Variants in SPTA1 observed in about 807,000 individuals in gnomAD.
The protein encoded by SPTA1 is spectrin alpha chain, erythrocytic 1.
Under a neutral mutation model 324.7 loss-of-function variants are expected in SPTA1, and 177 were observed. The ratio of observed to expected loss-of-function variants is 0.55; its 90% CI spans 0.48 to 0.62. The LOEUF is 0.62. Among genes scored for constraint, SPTA1 ranks in the 20% least tolerant of loss-of-function variants. The pLI is 0.00. For synonymous variants in SPTA1, 1,195 were observed against 1,041.3 expected, an observed-to-expected ratio of 1.15 and a Z score of -2.84; for missense variants, 3,162 against 2,883.6, an observed-to-expected ratio of 1.10 and a Z score of -2.21.
chr1:158,642,244 G>T (rs1335545150), intron 33 of SPTA1, among the ~76,000 whole-genome samples, 167 bp downstream of exon 33: 2 of 151,622 alleles, frequency 1.3e-5, no homozygotes, highest in Non-Finnish European at 1.5e-5. Flanking sequence ...CACCAACATG[G>T]CACATGTATA....
intron 25 of SPTA1, 85 bp from the exon 26 acceptor site, chr1:158,648,738 C>T (rs2101849379): frequency 6.8e-7 from 1 of 1,461,418 alleles, no homozygotes; most frequent in Non-Finnish European, 9.4e-7. Context: ...GTTATCATCA[C>T]TACCACTCAC....
At chr1:158,661,220 G>GTACA in intron 18 of SPTA1, 67 bp downstream of exon 18, 3 of 1,611,154 alleles carry the variant, frequency 1.9e-6, no homozygotes, top group Non-Finnish European at 2.5e-6. Flanking sequence ...CCCTAGGATA[G>GTACA]TACAAACTTC....
intron 27 of SPTA1, among the ~76,000 whole-genome samples, chr1:158,646,084 T>G (rs918666950): frequency 1.3e-5 from 2 of 152,182 alleles, no homozygotes; most frequent in African/African-American, 4.8e-5. Context: ...ACTTTTATTC[T>G]CAAGTGAATC....
Position 158,653,509 on chromosome 1 carries a change from C to T in SPTA1, c.3037-84G>A, listed in dbSNP as rs114298752. The T allele has an allele frequency of 2.7e-4, 428 of 1,581,976 alleles. No individual in the cohort carries two copies. The African/African-American group carries it at 5.4e-3, about 20-fold the overall frequency. ...GAGACTTCAACACTAAGTCTCTTGG[C>T]CCAGGCACAGGTTAATGGCAAAGAT... is the stretch of plus-strand genomic sequence containing the variant. On this transcript the variant is annotated intron_variant, in intron 21 of 51. Coordinates refer to ENST00000643759, the MANE Select transcript of SPTA1 (RefSeq NM_003126.4).
chr1:158,677,837 G>A lies in SPTA1; in HGVS notation c.813-3C>T. 2.5e-6 allele frequency: 4 copies of A among 1,613,464 alleles called. No homozygotes were observed. The highest frequency in any genetic ancestry group is 3.4e-6 in the Non-Finnish European group (4 of 1,179,648). Reference sequence around the variant, plus strand: ...ACTGGATGGCTTCAGTCACATCCCTGCAGTCATTAACAAGAGCTCCAACCA... The same window carrying A: ...ACTGGATGGCTTCAGTCACATCCCTACAGTCATTAACAAGAGCTCCAACCA... On this transcript the variant is annotated splice_region_variant and splice_polypyrimidine_tract_variant and intron_variant, in intron 6 of 51. Transcript: ENST00000643759.
intron 9 of SPTA1, 28 bp downstream of exon 9, chr1:158,674,512 C>T: frequency 6.2e-7 from 1 of 1,614,100 alleles, no homozygotes; most frequent in Non-Finnish European, 8.5e-7. Flanking sequence ...CTGCCCCCTC[C>T]TCCTACTGGG....
At chr1:158,682,813 A>G (rs368856108) in intron 3 of SPTA1, among the ~76,000 whole-genome samples, 6 of 152,296 alleles carry the variant, frequency 3.9e-5, no homozygotes, top group African/African-American at 1.4e-4. Flanking sequence ...TGAAATAGTG[A>G]TGATCTTCAT....
At position 158,649,947 on chromosome 1, in the gene SPTA1, C is replaced by T; in HGVS notation, c.3478G>A (p.Glu1160Lys). 1 of 1,611,210 alleles carries T rather than the reference C, an allele frequency of 6.2e-7. No homozygotes were observed. Among genetic ancestry groups the T allele is most frequent in the Non-Finnish European group, 8.5e-7 (1 of 1,178,206 alleles). Residue 1160 changes from glutamate (E) to lysine (K), a missense_variant and splice_region_variant, in exon 25 of 52, where the codon GAA (glutamate) becomes AAA (lysine). Coordinates refer to ENST00000643759, the MANE Select transcript of SPTA1 (RefSeq NM_003126.4). ...LTPEGAQIRQ[E>K]LNSRWGSLQR... is the part of the protein sequence containing the mutation. ...AAAGAACCCCAGCGGGAATTCAATT[C>T]CTAAAAGAGGCAAAAACATCAGACT...
At chr1:158,659,595 A>ATTATTTTTTTTTTTTTTTTTTT (rs1345384278) in intron 18 of SPTA1, among the ~76,000 whole-genome samples, 6 of 68,778 alleles carry the variant, frequency 8.7e-5, no homozygotes, top group Admixed American at 4.0e-4. Flanking sequence ...TCTTAGCATT[A>ATTATTTTTTTTTTTTTTTTTTT]TTTTTTTTTT....
At position 158,681,748 on chromosome 1, in the gene SPTA1, C is replaced by G. The variant is rs113760428; in HGVS notation, c.391-81G>C. 20 of 1,586,656 alleles carry G rather than the reference C, an allele frequency of 1.3e-5. No individual in the cohort carries two copies. In the African/African-American group the frequency reaches 1.7e-4, roughly 14 times the overall value. The stretch of plus-strand genomic sequence containing the variant: ...CTCAGAGACTTGTGCAGAAAGAGAC[C>G]TGGATAAAAATTCTTCTCTCAGTTA... On this transcript the variant is annotated intron_variant, in intron 3 of 51. Coordinates refer to ENST00000643759, the MANE Select transcript of SPTA1 (RefSeq NM_003126.4).
intron 7 of SPTA1, among the ~76,000 whole-genome samples, chr1:158,677,002 T>C (rs569080734): frequency 6.6e-6 from 1 of 152,138 alleles, no homozygotes; most frequent in Non-Finnish European, 1.5e-5. Flanking sequence ...TGGTGGAAGT[T>C]TGCAGAAACT....
chr1:158,649,883 C>T lies in SPTA1; in HGVS notation c.3542G>A (p.Ser1181Asn). ...LADEQRQLLG[S>N]AHAVEVFHRE... The stretch of plus-strand genomic sequence containing the variant: ...GTGAAACACTTCAACAGCATGGGCA[C>T]TGCCCAGCAGCTGCCGCTGTTCATC... Residue 1181 changes from serine (S) to asparagine (N), a missense_variant, in exon 25 of 52, where the codon AGT becomes AAT. Ser to Asn is a conservative substitution (Grantham distance 46). Coordinates refer to ENST00000643759, the MANE Select transcript of SPTA1 (RefSeq NM_003126.4). 6.2e-7 allele frequency: 1 copy of T among 1,613,830 alleles called. No individual in the cohort carries two copies.
At chr1:158,678,346 A>G (rs529380503) in intron 6 of SPTA1, 55 bp downstream of exon 6, 1 of 1,609,582 alleles carries the variant, frequency 6.2e-7, no homozygotes, top group East Asian at 2.2e-5. Flanking sequence ...ATACAAAGAC[A>G]CGGTTTTTAT....
Position 158,653,271 on chromosome 1 carries a change from T to C in SPTA1, c.3188+3A>G, listed in dbSNP as rs1202765241. 6.2e-7 allele frequency: 1 copy of C among 1,614,134 alleles called. No homozygotes were observed. The highest frequency in any genetic ancestry group is 2.2e-5 in the East Asian group (1 of 44,878). On this transcript the variant is annotated splice_donor_region_variant and intron_variant, in intron 22 of 51. Transcript: ENST00000643759. ...GTTCAGTTCTCCAGGCTCCAGAACT[T>C]ACTGGTTCTCAATCTGCTCCTGGCG...
At chr1:158,650,130 G>C (rs1425692014) in intron 24 of SPTA1, among the ~76,000 whole-genome samples, 183 bp from the exon 25 acceptor site, 1 of 152,232 alleles carries the variant, frequency 6.6e-6, no homozygotes, top group African/African-American at 2.4e-5. Flanking sequence ...GTGCAGCAGA[G>C]AAAGTGATTT....
At chr1:158,623,259 C>T in intron 42 of SPTA1, 67 bp from the exon 43 acceptor site, 1 of 1,343,146 alleles carries the variant, frequency 7.4e-7, no homozygotes, top group Non-Finnish European at 1.1e-6. Context: ...ATCTGGGTTC[C>T]ACCAGATTTT....
chr1:158,638,094 T>G lies in SPTA1; in HGVS notation c.5128A>C (p.Lys1710Gln), dbSNP rs1480201954. Residue 1710 changes from lysine to glutamine, a missense_variant, in exon 36 of 52, where the codon AAA becomes CAA. Physicochemically the swap from Lys to Gln is moderately conservative, Grantham distance 53. Transcript: ENST00000643759. ...ELAAAHHEKL[K>Q]EAYALFQFFQ... The stretch of plus-strand genomic sequence containing the variant: ...AACTGGAACAAGGCATAGGCCTCTT[T>G]CAATTTTTCGTGGTGTGCAGCTGCC... 8.7e-6 allele frequency: 14 copies of G among 1,614,048 alleles called. No homozygotes were observed. The highest frequency in any genetic ancestry group is 1.2e-5 in the Non-Finnish European group (14 of 1,179,956).
intron 51 of SPTA1, 190 bp from the exon 52 acceptor site, chr1:158,611,579 A>C: frequency 3.6e-6 from 2 of 562,388 alleles, no homozygotes; most frequent in South Asian, 2.3e-5. Flanking sequence ...TTTTAATCTC[A>C]GCCCTTTCTT....
rs770852098 is a variant in SPTA1 at position 158,661,286 on chromosome 1, C to T, written c.2587+1G>A. On this transcript the variant is annotated splice_donor_variant, in intron 18 of 51. Coordinates refer to ENST00000643759, the MANE Select transcript of SPTA1 (RefSeq NM_003126.4). LOFTEE classifies it high-confidence loss of function. ...TCCAACTGAATCTCAATCATACATACCTTCCTCTACCATTTTGTTTCCCCT... is the reference window on the plus strand; with the variant it reads ...TCCAACTGAATCTCAATCATACATATCTTCCTCTACCATTTTGTTTCCCCT... The T allele has an allele frequency of 5.0e-6, 8 of 1,613,860 alleles. No individual in the cohort carries two copies. The highest frequency in any genetic ancestry group is 5.1e-6 in the Non-Finnish European group (6 of 1,179,834).
Sources: gnomAD v4.1 joint callset for allele counts (sites outside exome capture counted in the v4.1 genomes callset) on GRCh38, gnomAD v4.1.1 for gene constraint, MANE v1.5 for transcripts, NCBI Gene and HGNC (gene_info 2026-07-23, HGNC 2026-07-21) for gene names.